The following CMBL variants were observed in gnomAD, a reference collection of about 807,000 sequenced individuals.
CMBL encodes carboxymethylenebutenolidase homolog.
Under a neutral mutation model 28.7 loss-of-function variants are expected in CMBL, and 17 were observed. The observed-to-expected ratio is 0.59, with a 90% confidence interval of 0.41 to 0.89. The LOEUF is 0.89. Ranked by LOEUF, CMBL falls within the 40% of genes least tolerant of loss-of-function variation. The probability of loss-of-function intolerance (pLI) is 0.00; values close to 1 mark genes in which losing one functional copy is unlikely to be tolerated. For synonymous variants in CMBL, 106 were observed against 101.6 expected (o/e 1.04, Z -0.26); for missense variants, 310 against 298.5 (o/e 1.04, Z -0.28).
At chr5:10,297,399 G>A (rs1175254071) in intron 1 of CMBL, among the ~76,000 whole-genome samples, 3 of 151,854 alleles carry the variant, frequency 2.0e-5, no homozygotes, top group South Asian at 2.1e-4. Context: ...GGGAAACCCC[G>A]TCTCTACTAA....
rs543292035 is a variant in CMBL, at chr5:10,297,195, AAGAG to A, written c.-19-6418_-19-6415del. On this transcript the variant is annotated intron_variant, in intron 1 of 5. Transcript: ENST00000296658. ...GTGAGACTCCATCTCAAAAAAAAAA[AAGAG>A]AGAGAGAGAGAGAATGAGAGAGGAG... 3.0e-3 allele frequency among the ~76,000 whole-genome samples: 407 copies of A among 135,504 alleles called. 9 individuals are homozygous for A. The Admixed American group carries it at 0.03, about 10-fold the overall frequency. 88.9% of individuals were successfully genotyped at this position (135,504 alleles called of 152,430 possible). A position where few individuals can be genotyped will look rare whatever the true frequency, so the allele number is the denominator to read the frequency against.
chr5:10,304,526 C>T (rs1318131534), intron 1 of CMBL, among the ~76,000 whole-genome samples: 1 of 152,242 alleles, frequency 6.6e-6, no homozygotes, highest in Admixed American at 6.5e-5. Flanking sequence ...ACTACACTTC[C>T]CAGCCTGTCA....
At chr5:10,280,701 G>A (rs1248017098) in intron 5 of CMBL, 69 bp from the exon 6 acceptor site, 2 of 1,332,688 alleles carry the variant, frequency 1.5e-6, no homozygotes, top group African/African-American at 2.9e-5. Context: ...TCTTTAGTGA[G>A]CGTTCATAAC....
At chr5:10,282,871 C>T (rs1746521619) in intron 4 of CMBL, among the ~76,000 whole-genome samples, 1 of 152,006 alleles carries the variant, frequency 6.6e-6, no homozygotes, top group South Asian at 2.1e-4. Flanking sequence ...GAGGGCGGAT[C>T]ATGAGGTCAG....
In CMBL at chr5:10,279,413, C is replaced by T. The variant is rs1272577779; in HGVS notation, c.*1040G>A. The T allele has an allele frequency of 6.6e-6, 1 of 152,206 alleles. No individual in the cohort carries two copies. Among genetic ancestry groups the T allele is most frequent in the Non-Finnish European group, 1.5e-5 (1 of 68,040 alleles). The allele number at this position is 152,206 out of a possible 1,614,324, so 9.4% of individuals were successfully genotyped here. On this transcript the variant is annotated 3_prime_UTR_variant, in exon 6 of 6. Transcript: ENST00000296658. ...TTTGTGGCATAGATAAGTGTCTAAG[C>T]TGGGCAGTTAGTCTACCCGTTTATA...
intron 1 of CMBL, among the ~76,000 whole-genome samples, chr5:10,294,359 G>A (rs1187279920): frequency 1.3e-5 from 2 of 152,086 alleles, no homozygotes; most frequent in African/African-American, 4.8e-5. Flanking sequence ...AGGATTGTTT[G>A]AGACCAGCCT....
chr5:10,304,904 G>GA (rs1746969798), intron 1 of CMBL, among the ~76,000 whole-genome samples: 1 of 152,182 alleles, frequency 6.6e-6, no homozygotes, highest in African/African-American at 2.4e-5. Flanking sequence ...AATGGAGCTG[G>GA]AATCAGACAG....
intron 1 of CMBL, among the ~76,000 whole-genome samples, chr5:10,302,655 C>A (rs1350812047): frequency 6.6e-6 from 1 of 151,860 alleles, no homozygotes; most frequent in African/African-American, 2.4e-5. Flanking sequence ...ATTCCCTCCT[C>A]CATTGAAGTT....
At chr5:10,282,050 C>T (rs958723354) in intron 5 of CMBL, 147 bp downstream of exon 5, 2 of 581,380 alleles carry the variant, frequency 3.4e-6, no homozygotes, top group African/African-American at 3.8e-5. Flanking sequence ...GTCCCAGCTA[C>T]TCGGGAGGCT....
At chr5:10,282,731 C>T (rs1046431205) in intron 4 of CMBL, among the ~76,000 whole-genome samples, 3 of 152,010 alleles carry the variant, frequency 2.0e-5, no homozygotes, top group Non-Finnish European at 2.9e-5. Flanking sequence ...CTGCAGTGAG[C>T]CGTTTGTGCC....
At position 10,288,478 on chromosome 5, in the gene CMBL, G is replaced by A. The variant is rs200844284; in HGVS notation, c.267C>T (p.Gly89=). ...GCCACTCAGGGAAGATAGACCAGTC[G>A]CCAGAGGGGTCCCAAGGCTCTTGCC... is the stretch of plus-strand genomic sequence containing the variant. ...FVGQEPWDPS[G]DWSIFPEWLK... The change falls in exon 3 of 6, where the codon GGC becomes GGT. Residue 89 remains glycine (G), a synonymous_variant. Transcript: ENST00000296658. 250 of 1,614,068 alleles carry A rather than the reference G, an allele frequency of 1.5e-4. 1 individual carries two copies. In the South Asian group the frequency reaches 2.4e-3, roughly 15 times the overall value.
chr5:10,280,510 C>T lies in CMBL; in HGVS notation c.681G>A (p.Lys227=), dbSNP rs749486864. ...TCCTTCTGGCCTCGTCAATGTAGGG[C>T]TTGTCTGCAGGTGAGCAATCTTCTC... ...RKREDCSPAD[K]PYIDEARRNL... Residue 227 remains lysine (K), a synonymous_variant, in exon 6 of 6, where the codon AAG becomes AAA. Transcript: ENST00000296658. 1.9e-6 allele frequency: 3 copies of T among 1,613,678 alleles called. No individual in the cohort carries two copies.
chr5:10,291,947 T>C (rs1251447101), intron 1 of CMBL: 1 of 152,184 alleles, frequency 6.6e-6, no homozygotes, highest in East Asian at 1.9e-4. Context: ...TGGAGGAATT[T>C]ACAGTGGGAA....
At chr5:10,295,985 G>A (rs922726678) in intron 1 of CMBL, among the ~76,000 whole-genome samples, 19 of 152,208 alleles carry the variant, frequency 1.2e-4, no homozygotes, top group African/African-American at 4.6e-4. Flanking sequence ...AGGCTGTGAT[G>A]TGCCTTATGG....
At chr5:10,292,169 C>T (rs1188970165) in intron 1 of CMBL, 1 of 152,154 alleles carries the variant, frequency 6.6e-6, no homozygotes, top group African/African-American at 2.4e-5. Context: ...TAAATGGAAA[C>T]AGATTAAACT....
At chr5:10,297,116 C>T (rs1449650945) in intron 1 of CMBL, among the ~76,000 whole-genome samples, 1 of 147,046 alleles carries the variant, frequency 6.8e-6, no homozygotes, top group African/African-American at 2.5e-5. Context: ...ACCTGGGAAG[C>T]GGAGGTTGCA....
In CMBL at chr5:10,291,640, G is replaced by A. The variant is rs191908584; in HGVS notation, c.-19-859C>T. ...CGCGCCACTGCACTCCAGCCTGGGG[G>A]ACAGAGCGAGACGCCGTCTCAAAAA... On this transcript the variant is annotated intron_variant, in intron 1 of 5. Transcript: ENST00000296658. 5.5e-3 allele frequency among the ~76,000 whole-genome samples: 826 copies of A among 150,074 alleles called. 6 individuals carry two copies. Among genetic ancestry groups the A allele is most frequent in the African/African-American group, 0.02 (806 of 40,118 alleles).
chr5:10,286,354 C>G lies in CMBL; in HGVS notation c.466G>C (p.Gly156Arg), dbSNP rs766552139. The G allele has an allele frequency of 6.2e-7, 1 of 1,613,484 alleles. No homozygotes were observed. Among genetic ancestry groups the G allele is most frequent in the Admixed American group, 1.7e-5 (1 of 59,976 alleles). The change falls in exon 4 of 6, where the codon GGC (glycine) becomes CGC (arginine). Residue 156 changes from glycine (G) to arginine (R), a missense_variant and splice_region_variant. By Grantham distance (125) the Gly-to-Arg change is moderately radical. Transcript: ENST00000296658. Reference sequence around the variant, plus strand: ...GTAAAAATGCACAAGGCAGATTTACCATAGACGGACACCCCTGCCCTGAAT... The same window carrying G: ...GTAAAAATGCACAAGGCAGATTTACGATAGACGGACACCCCTGCCCTGAAT... Reference protein sequence around the residue: ...SEFRAGVSVYGIVKDSEDIYN... With the variant: ...SEFRAGVSVYRIVKDSEDIYN...
At chr5:10,304,299 G>A (rs924747698) in intron 1 of CMBL, among the ~76,000 whole-genome samples, 2 of 152,178 alleles carry the variant, frequency 1.3e-5, no homozygotes, top group African/African-American at 4.8e-5. Flanking sequence ...GGCCCAGGAG[G>A]TCAAGACTGC....
Sources: gnomAD v4.1 joint callset for allele counts (sites outside exome capture counted in the v4.1 genomes callset) on GRCh38, gnomAD v4.1.1 for gene constraint, MANE v1.5 for transcripts, NCBI Gene and HGNC (gene_info 2026-07-23, HGNC 2026-07-21) for gene names.